The following PDZD2 variants were observed in gnomAD, a reference collection of about 807,000 sequenced individuals.
PDZD2 encodes the protein PDZ domain containing 2.
A neutral mutation model predicts 220.7 loss-of-function variants in PDZD2; 90 were observed. That is an observed-to-expected ratio of 0.41 (90% confidence interval 0.34 to 0.49). The LOEUF is 0.49. Ranked by LOEUF, PDZD2 falls within the 20% of genes least tolerant of loss-of-function variation. The pLI, the probability that PDZD2 is intolerant of heterozygous loss-of-function variation, is 0.28. For synonymous variants in PDZD2, 1,375 were observed against 1,450.5 expected (o/e 0.95, Z 1.18); for missense variants, 3,174 against 3,608.5 (o/e 0.88, Z 3.08).
intron 20 of PDZD2, among the ~76,000 whole-genome samples, chr5:32,091,493 C>T (rs1743161182): frequency 6.6e-6 from 1 of 151,956 alleles, no homozygotes; most frequent in South Asian, 2.1e-4. Flanking sequence ...CCATGTTGGT[C>T]AGGCTGGTCT....
intron 3 of PDZD2, among the ~76,000 whole-genome samples, chr5:31,991,239 G>A (rs1027145002): frequency 6.6e-6 from 1 of 152,192 alleles, no homozygotes; most frequent in African/African-American, 2.4e-5. Context: ...GAGGATAATG[G>A]ATTGTAGGAG....
intron 2 of PDZD2, among the ~76,000 whole-genome samples, chr5:31,914,453 A>G (rs1006580795): frequency 1.3e-5 from 2 of 152,184 alleles, no homozygotes; most frequent in Admixed American, 1.3e-4. Context: ...GCTTGAACCC[A>G]GGAGGCGGAG....
At chr5:31,755,864 G>A (rs546377890) in intron 1 of PDZD2, among the ~76,000 whole-genome samples, 18 of 152,158 alleles carry the variant, frequency 1.2e-4, no homozygotes, top group Middle Eastern at 3.4e-3. Flanking sequence ...GCCAAGCAGC[G>A]GAGTAAAAGG....
intron 6 of PDZD2, among the ~76,000 whole-genome samples, chr5:32,020,836 G>A (rs56671795): frequency 0.45 from 68,665 of 151,482 alleles, 17,676 homozygotes; most frequent in Non-Finnish European, 0.58. Flanking sequence ...AGTAGAAACA[G>A]TGTTTCACCA....
At chr5:31,723,930 CTT>C (rs952740032) in intron 1 of PDZD2, among the ~76,000 whole-genome samples, 4 of 151,968 alleles carry the variant, frequency 2.6e-5, no homozygotes, top group Non-Finnish European at 5.9e-5. Context: ...CAACTTGCCT[CTT>C]TTTGAATAAA....
chr5:31,920,460 CA>C (rs1412542877), intron 2 of PDZD2, among the ~76,000 whole-genome samples: 2 of 150,194 alleles, frequency 1.3e-5, no homozygotes, highest in East Asian at 3.9e-4. Context: ...TATAATCACC[CA>C]ATGTCCACAG....
intron 2 of PDZD2, among the ~76,000 whole-genome samples, chr5:31,803,205 C>A (rs888936264): frequency 3.3e-5 from 5 of 151,306 alleles, no homozygotes; most frequent in African/African-American, 7.3e-5. Context: ...TCAAAGGATC[C>A]TCCCACCTTA....
At chr5:32,052,451 G>A (rs545254415) in intron 8 of PDZD2, 160 bp from the exon 9 acceptor site, 35 of 661,584 alleles carry the variant, frequency 5.3e-5, no homozygotes, top group African/African-American at 1.4e-4. Context: ...CAGCACCTGC[G>A]ATAGTATTTA....
intron 2 of PDZD2, among the ~76,000 whole-genome samples, chr5:31,885,235 A>T (rs1561540948): frequency 1.4e-5 from 2 of 146,378 alleles, no homozygotes; most frequent in Admixed American, 6.9e-5. Flanking sequence ...AAGCAGTGGG[A>T]TTTTTTTTTT....
At position 31,723,823 on chromosome 5, in the gene PDZD2, G is replaced by A. The variant is rs576602340; in HGVS notation, c.-360-75066G>A. Among the ~76,000 whole-genome samples, 31 of 152,102 alleles carry A rather than the reference G, an allele frequency of 2.0e-4. No individual in the cohort carries two copies. The South Asian group carries it at 6.2e-3, about 31-fold the overall frequency. On this transcript the variant is annotated intron_variant, in intron 1 of 24. Coordinates refer to ENST00000438447, the MANE Select transcript of PDZD2 (RefSeq NM_178140.4). ...AGTAGAGACGGGGTTTCACCATGTT[G>A]GCCAGGCTGGTCTCGAACTCCTGAT... is the stretch of plus-strand genomic sequence containing the variant.
At chr5:31,955,231 G>A (rs1581153921) in intron 2 of PDZD2, among the ~76,000 whole-genome samples, 2 of 152,006 alleles carry the variant, frequency 1.3e-5, no homozygotes, top group East Asian at 3.9e-4. Flanking sequence ...CCTCTAGAAT[G>A]CTAGATTAGA....
intron 1 of PDZD2, among the ~76,000 whole-genome samples, chr5:31,792,156 A>G (rs943323673): frequency 1.3e-5 from 2 of 152,362 alleles, no homozygotes. Flanking sequence ...GTAGAGAGCC[A>G]CACGCTTCTG....
rs538709605 is a variant in PDZD2 at position 32,037,365 on chromosome 5, G to A, written c.1519+23G>A. On this transcript the variant is annotated intron_variant, in intron 7 of 24. Transcript: ENST00000438447. Reference sequence around the variant, plus strand: ...CAGGTAGGTGGGGGCTCTACCTGATGCAGCCTGTCTAGGATGAGTTTTCAG... The same window carrying A: ...CAGGTAGGTGGGGGCTCTACCTGATACAGCCTGTCTAGGATGAGTTTTCAG... 1.8e-5 allele frequency: 23 copies of A among 1,300,864 alleles called. No individual in the cohort carries two copies. The South Asian group carries it at 2.1e-4, about 12-fold the overall frequency. 80.6% of individuals were successfully genotyped at this position (1,300,864 alleles called of 1,614,324 possible).
chr5:32,081,824 C>A (rs1741983618), intron 19 of PDZD2, among the ~76,000 whole-genome samples: 3 of 152,010 alleles, frequency 2.0e-5, no homozygotes. Flanking sequence ...CAGGTTCATG[C>A]CATTCTCCTG....
intron 1 of PDZD2, among the ~76,000 whole-genome samples, chr5:31,675,644 C>A (rs544346003): frequency 6.6e-6 from 1 of 152,176 alleles, no homozygotes; most frequent in Non-Finnish European, 1.5e-5. Context: ...GTGGCCCAAT[C>A]GATGTCTTAC....
At position 31,858,580 on chromosome 5, in the gene PDZD2, C is replaced by T. The variant is rs551953395; in HGVS notation, c.476+58856C>T. ...CCTTATTGCCTGGGGACCAGACTGC[C>T]TTTGTAGGACTAACAAATTAGCCAT... On this transcript the variant is annotated intron_variant, in intron 2 of 24. Transcript: ENST00000438447. Among the ~76,000 whole-genome samples, 107 of 152,318 alleles carry T rather than the reference C, an allele frequency of 7.0e-4. 1 individual carries two copies. The highest frequency in any genetic ancestry group is 1.2e-3 in the Non-Finnish European group (85 of 68,034).
intron 5 of PDZD2, among the ~76,000 whole-genome samples, chr5:32,008,772 A>G (rs951925538): frequency 2.6e-5 from 4 of 152,206 alleles, no homozygotes; most frequent in Non-Finnish European, 5.9e-5. Flanking sequence ...AGGGGATGAA[A>G]GCAGTAGTCA....
intron 24 of PDZD2, among the ~76,000 whole-genome samples, chr5:32,101,581 C>A (rs1413969951): frequency 6.6e-6 from 1 of 152,172 alleles, no homozygotes; most frequent in Non-Finnish European, 1.5e-5. Flanking sequence ...TACTCCGGGC[C>A]CCTCTCTCTG....
chr5:31,840,445 TA>T (rs57940313), intron 2 of PDZD2: 2,805 of 108,194 alleles, frequency 0.026, 385 homozygotes, highest in African/African-American at 0.042. Context: ...TATATATATA[TA>T]TATTTGTTTA....
Sources: allele counts gnomAD v4.1 joint callset (sites outside exome capture counted in the v4.1 genomes callset), GRCh38; gene constraint gnomAD v4.1.1; transcripts MANE v1.5; gene names NCBI Gene and HGNC (gene_info 2026-07-23, HGNC 2026-07-21).